Variants in ARID2 observed in about 807,000 individuals in gnomAD.
ARID2 encodes the protein AT-rich interactive domain-containing protein 2.
ARID2 carries 32 observed loss-of-function variants against 184.6 expected under a neutral mutation model. The observed-to-expected ratio is 0.17, with a 90% CI of 0.13 to 0.23. The LOEUF is 0.23. Among genes scored for constraint, ARID2 ranks in the 10% least tolerant of loss-of-function variants. The pLI, the probability that ARID2 is intolerant of heterozygous loss-of-function variation, is 1.00. For synonymous variants in ARID2, 836 were observed against 772.6 expected, an observed-to-expected ratio of 1.08 and a Z score of -1.36; for missense variants, 1,696 against 2,197.6, an observed-to-expected ratio of 0.77 and a Z score of 4.56.
chr12:45,881,829 C>G (rs1944109376), intron 16 of ARID2: 1 of 223,450 alleles, frequency 4.5e-6, no homozygotes, highest in African/African-American at 2.3e-5. Context: ...CTTTTTTTCC[C>G]TCTTGTGTTT....
intron 4 of ARID2, 97 bp downstream of exon 4, chr12:45,811,648 G>T (rs2138083557): frequency 7.6e-7 from 1 of 1,313,878 alleles, no homozygotes; most frequent in Non-Finnish European, 1.0e-6. Flanking sequence ...TTGCACATGA[G>T]AACACTTAAG....
intron 3 of ARID2, among the ~76,000 whole-genome samples, chr12:45,779,892 C>T (rs187639189): frequency 1.3e-5 from 2 of 152,190 alleles, no homozygotes; most frequent in East Asian, 3.9e-4. Flanking sequence ...AAGAGCGCTG[C>T]TTTGAAATTA....
At chr12:45,801,446 G>C (rs1942500420) in intron 3 of ARID2, among the ~76,000 whole-genome samples, 1 of 152,108 alleles carries the variant, frequency 6.6e-6, no homozygotes, top group South Asian at 2.1e-4. Context: ...GTGTTTTTCT[G>C]TAAATTAGTA....
chr12:45,827,052 A>C (rs1387651204), intron 6 of ARID2, among the ~76,000 whole-genome samples: 7 of 151,840 alleles, frequency 4.6e-5, no homozygotes, highest in South Asian at 2.1e-4. Flanking sequence ...ATTTCTTCTT[A>C]TTATCAACCT....
intron 3 of ARID2, among the ~76,000 whole-genome samples, chr12:45,797,640 C>T (rs1242536174): frequency 6.6e-6 from 1 of 152,008 alleles, no homozygotes; most frequent in Non-Finnish European, 1.5e-5. Flanking sequence ...TATATTGACA[C>T]ATTTTCTTCT....
intron 15 of ARID2, among the ~76,000 whole-genome samples, chr12:45,855,148 T>C (rs544488801): frequency 2.0e-5 from 3 of 152,322 alleles, no homozygotes; most frequent in South Asian, 4.1e-4. Context: ...TTGCTAAAAC[T>C]CATTGGTTAT....
chr12:45,830,688 TTAAA>T (rs1448937865), intron 6 of ARID2, among the ~76,000 whole-genome samples: 2 of 152,244 alleles, frequency 1.3e-5, no homozygotes, highest in Admixed American at 6.5e-5. Context: ...CACAAAGTGT[TTAAA>T]TAAATACCCA....
At chr12:45,785,026 G>A (rs939852301) in intron 3 of ARID2, among the ~76,000 whole-genome samples, 6 of 152,192 alleles carry the variant, frequency 3.9e-5, no homozygotes, top group African/African-American at 1.4e-4. Context: ...TGAATAAACA[G>A]CTGAAATCTG....
At chr12:45,878,996 T>G (rs1255954600) in intron 16 of ARID2, among the ~76,000 whole-genome samples, 1 of 152,214 alleles carries the variant, frequency 6.6e-6, no homozygotes, top group Non-Finnish European at 1.5e-5. Context: ...GTTGGATTTT[T>G]TTTAGAAACT....
intron 3 of ARID2, among the ~76,000 whole-genome samples, chr12:45,805,784 A>T (rs1942588765): frequency 6.6e-6 from 1 of 152,138 alleles, no homozygotes; most frequent in Non-Finnish European, 1.5e-5. Flanking sequence ...AGAACATCTA[A>T]GCAAATTTCA....
At chr12:45,893,985 C>T in intron 20 of ARID2, 1 of 256,552 alleles carries the variant, frequency 3.9e-6, no homozygotes, top group Non-Finnish European at 7.3e-6. Flanking sequence ...GAACAAAAAG[C>T]AGCTGTACTA....
chr12:45,803,802 C>G (rs1389432705), intron 3 of ARID2, among the ~76,000 whole-genome samples: 1 of 151,998 alleles, frequency 6.6e-6, no homozygotes, highest in Non-Finnish European at 1.5e-5. Flanking sequence ...TTTAGTTGTC[C>G]TTTTTGTGAG....
At chr12:45,834,080 G>A (rs1378205549) in intron 6 of ARID2, among the ~76,000 whole-genome samples, 1 of 152,072 alleles carries the variant, frequency 6.6e-6, no homozygotes, top group Admixed American at 6.6e-5. Flanking sequence ...TCAATCATTG[G>A]AATAACCTCA....
chr12:45,788,647 C>T (rs1019036711), intron 3 of ARID2, among the ~76,000 whole-genome samples: 1 of 152,106 alleles, frequency 6.6e-6, no homozygotes, highest in African/African-American at 2.4e-5. Flanking sequence ...TGAAAAATTT[C>T]AAGGAAATTT....
At chr12:45,829,372 C>T (rs561131047) in intron 6 of ARID2, among the ~76,000 whole-genome samples, 1 of 152,100 alleles carries the variant, frequency 6.6e-6, no homozygotes, top group Non-Finnish European at 1.5e-5. Context: ...ATGTGTAGCT[C>T]ATTGCTAAAA....
intron 20 of ARID2, among the ~76,000 whole-genome samples, chr12:45,895,285 C>T (rs1043934684): frequency 6.6e-6 from 1 of 152,180 alleles, no homozygotes; most frequent in Non-Finnish European, 1.5e-5. Context: ...TAAGATTCAA[C>T]TCAGTGGTTA....
chr12:45,776,781 CTTT>C (rs745431917), intron 3 of ARID2, among the ~76,000 whole-genome samples: 1 of 112,456 alleles, frequency 8.9e-6, no homozygotes, highest in Non-Finnish European at 1.8e-5. Context: ...GAGATTCCGG[CTTT>C]TTTTTTTTTT....
chr12:45,850,013 T>A, intron 14 of ARID2, 23 bp from the exon 15 acceptor site: 1 of 1,560,432 alleles, frequency 6.4e-7, no homozygotes, highest in Non-Finnish European at 8.6e-7. Context: ...TTTGGAATTT[T>A]GACGTTTTCT....
Position 45,850,691 on chromosome 12 carries a change from T to C in ARID2, c.2568T>C (p.Thr856=), listed in dbSNP as rs1245108863. Residue 856 remains threonine (T), a synonymous_variant, in exon 15 of 21, where the codon ACT becomes ACC. Coordinates refer to ENST00000334344, the MANE Select transcript of ARID2 (RefSeq NM_152641.4). ...TAGCACCCCCACAGTATGTAACAAC[T>C]TCTGCATCCAATATTGTCTCAGCAA... The part of the protein sequence containing the change: ...VIIAPPQYVT[T]SASNIVSATS... 2 of 1,613,962 alleles carry C rather than the reference T, an allele frequency of 1.2e-6. No homozygotes were observed. The highest frequency in any genetic ancestry group is 4.5e-5 in the East Asian group (2 of 44,870).
Sources: gnomAD v4.1 joint callset for allele counts (sites outside exome capture counted in the v4.1 genomes callset) on GRCh38, gnomAD v4.1.1 for gene constraint, MANE v1.5 for transcripts, NCBI Gene and HGNC (gene_info 2026-07-23, HGNC 2026-07-21) for gene names.